RANBP2: variants seen among roughly 807,000 people sequenced by gnomAD.
The protein encoded by RANBP2 is RAN binding protein 2.
In RANBP2, 57 loss-of-function variants were observed where a neutral mutation model predicts 303.6. That is an observed-to-expected ratio of 0.19 (90% CI 0.15 to 0.23). The LOEUF (loss-of-function observed/expected upper bound fraction) is 0.23. RANBP2 is among the 10% of genes least tolerant of loss of function. RANBP2 has a pLI of 1.00. For synonymous variants in RANBP2, 1,167 were observed against 1,301.5 expected, an observed-to-expected ratio of 0.90 and a Z score of 2.23; for missense variants, 3,138 against 3,780.8, an observed-to-expected ratio of 0.83 and a Z score of 4.46.
chr2:108,789,298 A>T (rs1405098774), downstream of RANBP2, among the ~76,000 whole-genome samples: 2 of 152,172 alleles, frequency 1.3e-5, no homozygotes, highest in South Asian at 4.1e-4. Context: ...TTTTTTTTAG[A>T]AAAGGAACTA....
At chr2:109,489,971 C>G in the RANBP2 span, among the ~76,000 whole-genome samples, 7 of 152,324 alleles carry the variant, frequency 4.6e-5, no homozygotes, top group Middle Eastern at 3.4e-3. Context: ...CTCCTGACCT[C>G]AAGTGATCTG....
the RANBP2 span, among the ~76,000 whole-genome samples, chr2:109,511,047 C>G: frequency 6.6e-6 from 1 of 152,200 alleles, no homozygotes; most frequent in African/African-American, 2.4e-5. Context: ...GAATTATGAC[C>G]ATGCAATTTC....
At chr2:109,168,667 C>T in the RANBP2 span, among the ~76,000 whole-genome samples, 34 of 48,382 alleles carry the variant, frequency 7.0e-4, no homozygotes, top group Non-Finnish European at 1.2e-3. Context: ...AAACTGAAAA[C>T]CTTTCAGTCA....
chr2:109,525,247 C>T, the RANBP2 span, among the ~76,000 whole-genome samples: 1,357 of 152,216 alleles, frequency 8.9e-3, 9 homozygotes, highest in Non-Finnish European at 0.014. Context: ...CTCTGCCTCC[C>T]GGGTTCGAGA....
the RANBP2 span, among the ~76,000 whole-genome samples, chr2:109,631,656 T>C: frequency 6.6e-6 from 1 of 152,122 alleles, no homozygotes; most frequent in East Asian, 1.9e-4. Context: ...CTCAGGAGGC[T>C]GAGGCAGGAG....
intron 7 of RANBP2, among the ~76,000 whole-genome samples, chr2:108,746,338 A>G (rs979527724): frequency 2.1e-5 from 3 of 144,910 alleles, no homozygotes; most frequent in African/African-American, 7.8e-5. Flanking sequence ...TCAGCCTTCC[A>G]TGTAGCTGGA....
the RANBP2 span, among the ~76,000 whole-genome samples, chr2:108,813,248 C>CAAA: frequency 0.65 from 41,436 of 63,454 alleles, 16,086 homozygotes; most frequent in East Asian, 0.84. Context: ...GACTCCGTCT[C>CAAA]AAAAAAAAAA....
At chr2:109,150,386 C>T in the RANBP2 span, among the ~76,000 whole-genome samples, 1 of 152,104 alleles carries the variant, frequency 6.6e-6, no homozygotes, top group Admixed American at 6.5e-5. Context: ...TTGTCTATAA[C>T]CTGATGATAG....
chr2:109,473,922 C>T, the RANBP2 span, among the ~76,000 whole-genome samples: 1 of 152,174 alleles, frequency 6.6e-6, no homozygotes, highest in Non-Finnish European at 1.5e-5. Flanking sequence ...GTCATTACCC[C>T]TAGGGTAATG....
At chr2:109,698,893 A>C in the RANBP2 span, among the ~76,000 whole-genome samples, 1 of 152,234 alleles carries the variant, frequency 6.6e-6, no homozygotes, top group Non-Finnish European at 1.5e-5. Flanking sequence ...AGATTGCGCC[A>C]GCCTGGGCAA....
At chr2:109,418,867 G>A in the RANBP2 span, among the ~76,000 whole-genome samples, 1 of 152,150 alleles carries the variant, frequency 6.6e-6, no homozygotes, top group Admixed American at 6.5e-5. Context: ...TGCATGGGCT[G>A]GGACTAAGGA....
the RANBP2 span, among the ~76,000 whole-genome samples, chr2:109,173,595 C>T: frequency 3.3e-5 from 5 of 152,170 alleles, no homozygotes; most frequent in Admixed American, 1.3e-4. Context: ...ACACAGACCC[C>T]GCAGCCTGCA....
At chr2:109,729,409 G>A in the RANBP2 span, among the ~76,000 whole-genome samples, 1 of 152,174 alleles carries the variant, frequency 6.6e-6, no homozygotes, top group African/African-American at 2.4e-5. Flanking sequence ...CACTTTGGGA[G>A]GCTGAGGCGG....
the RANBP2 span, among the ~76,000 whole-genome samples, chr2:109,022,817 G>A: frequency 3.3e-5 from 5 of 152,138 alleles, no homozygotes; most frequent in Admixed American, 6.5e-5. Flanking sequence ...TTGGGAGGCC[G>A]AGGTGGGTGG....
At chr2:109,455,042 T>C in the RANBP2 span, among the ~76,000 whole-genome samples, 2 of 152,224 alleles carry the variant, frequency 1.3e-5, no homozygotes, top group Non-Finnish European at 2.9e-5. Flanking sequence ...CCATTTTCCA[T>C]GATGTTCCTG....
chr2:108,910,710 T>C, the RANBP2 span: 3 of 1,580,228 alleles, frequency 1.9e-6, no homozygotes, highest in South Asian at 3.3e-5. Context: ...AGGCTGCTTC[T>C]GGGAACGCCC....
the RANBP2 span, among the ~76,000 whole-genome samples, chr2:109,304,057 C>T: frequency 8.6e-5 from 13 of 151,416 alleles, no homozygotes; most frequent in South Asian, 4.2e-4. Flanking sequence ...GCTGAGATCG[C>T]GCCATTGCAC....
At chr2:108,752,882 G>C in intron 12 of RANBP2, 116 bp from the exon 13 acceptor site, 1 of 1,590,242 alleles carries the variant, frequency 6.3e-7, no homozygotes, top group Admixed American at 1.7e-5. Context: ...AATGACTATT[G>C]AGATACCATT....
intron 15 of RANBP2, among the ~76,000 whole-genome samples, chr2:108,754,239 G>A (rs539580373): frequency 6.6e-6 from 1 of 151,422 alleles, no homozygotes; most frequent in Non-Finnish European, 1.5e-5. Context: ...CATTGATTTT[G>A]TTATCTTAGC....
Sources: allele counts gnomAD v4.1 joint callset (sites outside exome capture counted in the v4.1 genomes callset), GRCh38; gene constraint gnomAD v4.1.1; transcripts MANE v1.5; gene names NCBI Gene and HGNC (gene_info 2026-07-23, HGNC 2026-07-21).